The following CNOT10 variants were observed in gnomAD, a reference collection of about 807,000 sequenced individuals.
CNOT10 encodes the protein CCR4-NOT transcription complex subunit 10, also known as CCR4-NOT transcription complex, subunit 10.
Under a neutral mutation model 94.6 loss-of-function variants are expected in CNOT10, and 30 were observed. The ratio of observed to expected loss-of-function variants is 0.32; its 90% confidence interval spans 0.24 to 0.43. The LOEUF (loss-of-function observed/expected upper bound fraction) is 0.43, where lower values mean the gene tolerates loss of function less well. Ranked by LOEUF, CNOT10 falls within the 20% of genes least tolerant of loss-of-function variation. The probability of loss-of-function intolerance (pLI) is 1.00; values close to 1 mark genes in which losing one functional copy is unlikely to be tolerated. For missense variants in CNOT10, 759 were observed against 877.2 expected (o/e 0.87, Z 1.70); for synonymous variants, 289 against 301.6 (o/e 0.96, Z 0.43).
At chr3:32,706,922 A>T (rs1697650226) in intron 3 of CNOT10, among the ~76,000 whole-genome samples, 1 of 152,242 alleles carries the variant, frequency 6.6e-6, no homozygotes, top group African/African-American at 2.4e-5. Flanking sequence ...AACCATGTCA[A>T]GCTTAACCAC....
At chr3:32,724,569 C>A (rs913274510) in intron 8 of CNOT10, among the ~76,000 whole-genome samples, 1 of 152,086 alleles carries the variant, frequency 6.6e-6, no homozygotes, top group Non-Finnish European at 1.5e-5. Flanking sequence ...CCCGCCACCA[C>A]GCCCGGCTAA....
chr3:32,753,917 C>G, intron 13 of CNOT10: 2 of 1,146,690 alleles, frequency 1.7e-6, no homozygotes, highest in Admixed American at 1.9e-5. Flanking sequence ...TTAATTTGCT[C>G]TCACACACAC....
chr3:32,767,729 T>C (rs1168799060), intron 17 of CNOT10, among the ~76,000 whole-genome samples: 2 of 152,212 alleles, frequency 1.3e-5, no homozygotes, highest in African/African-American at 2.4e-5. Context: ...TTTGATATTA[T>C]CTAGGCATTG....
chr3:32,762,840 T>A lies in CNOT10; in HGVS notation c.1817T>A (p.Ile606Asn), dbSNP rs368257885. ...PENVTDVSLG[I>N]SSNEQDQGSD... ...AATGTCACTGATGTCTCCTTAGGGA[T>A]CTCTTCAAATGAGCAGGACCAAGGT... The change falls in exon 15 of 19, where the codon ATC becomes AAC. Residue 606 changes from isoleucine (I) to asparagine (N), a missense_variant. Ile to Asn is a moderately radical substitution (Grantham distance 149). Around this residue, in one of 3 missense-constraint regions of CNOT10, gnomAD observed 682 missense variants for 799.4 expected, o/e 0.85. Transcript: ENST00000328834. 13 of 1,567,120 alleles carry A rather than the reference T, an allele frequency of 8.3e-6. No homozygotes were observed. In the African/African-American group the frequency reaches 1.1e-4, roughly 13 times the overall value.
chr3:32,764,761 T>G lies in CNOT10; in HGVS notation c.1956T>G (p.Ala652=), dbSNP rs571160033. The G allele has an allele frequency of 5.4e-4, 871 of 1,614,176 alleles. 9 individuals are homozygous for G. In the South Asian group the frequency reaches 8.9e-3, roughly 17 times the overall value. Reference sequence around the variant, plus strand: ...TGATGCTGTTCAACCTTGGCAGCGCTTACTGCCTGAGGAGCGAATATGACA... The same window carrying G: ...TGATGCTGTTCAACCTTGGCAGCGCGTACTGCCTGAGGAGCGAATATGACA... The part of the protein sequence containing the change: ...RTVMLFNLGS[A]YCLRSEYDKA... The change falls in exon 17 of 19, where the codon GCT becomes GCG. Residue 652 remains alanine (A), a synonymous_variant. Transcript: ENST00000328834.
rs376717107 is a variant in CNOT10 at position 32,729,877 on chromosome 3, TC to T, written c.1215+2009del. Among the ~76,000 whole-genome samples, 833 of 142,808 alleles carry T rather than the reference TC, an allele frequency of 5.8e-3. 11 individuals are homozygous for T. Among genetic ancestry groups the T allele is most frequent in the African/African-American group, 0.019 (733 of 38,980 alleles). 93.7% of individuals were successfully genotyped at this position (142,808 alleles called of 152,430 possible). A position where few individuals can be genotyped will look rare whatever the true frequency, so the allele number is the denominator to read the frequency against. On this transcript the variant is annotated intron_variant, in intron 10 of 18. Coordinates refer to ENST00000328834, the MANE Select transcript of CNOT10 (RefSeq NM_015442.3). ...TCCGCCTCCCGGGTTCACGCCATTCTCCTGCCTCAGCCTCCCAAGTAGCTGG... is the reference window on the plus strand; with the variant it reads ...TCCGCCTCCCGGGTTCACGCCATTCTCTGCCTCAGCCTCCCAAGTAGCTGG...
intron 13 of CNOT10, among the ~76,000 whole-genome samples, chr3:32,755,640 G>A (rs554582648): frequency 4.8e-4 from 73 of 151,494 alleles, no homozygotes; most frequent in Admixed American, 2.4e-3. Context: ...TCAGATATTT[G>A]GTTTAGATTT....
At position 32,734,955 on chromosome 3, in the gene CNOT10, G is replaced by T; in HGVS notation, c.1493G>T (p.Ser498Ile). 6.2e-7 allele frequency: 1 copy of T among 1,613,690 alleles called. No individual in the cohort carries two copies. Among genetic ancestry groups the T allele is most frequent in the South Asian group, 1.1e-5 (1 of 91,034 alleles). Residue 498 changes from serine (S) to isoleucine (I), a missense_variant, in exon 12 of 19, where the codon AGC (serine) becomes ATC (isoleucine). By Grantham distance (142) the Ser-to-Ile change is moderately radical. Coordinates refer to ENST00000328834, the MANE Select transcript of CNOT10 (RefSeq NM_015442.3). ...SNQLGGNTES[S>I]ESSETCSSKS... ...CAATTAGGTGGGAACACAGAGAGCA[G>T]CGAAAGCAGTGAAACTTGCAGGTAT...
intron 1 of CNOT10, among the ~76,000 whole-genome samples, chr3:32,689,656 C>G (rs1696770967): frequency 6.6e-6 from 1 of 152,132 alleles, no homozygotes; most frequent in South Asian, 2.1e-4. Flanking sequence ...AGAACAATAT[C>G]TGACAAGAGA....
rs765555386 is a variant in CNOT10 at position 32,762,952 on chromosome 3, G to A, written c.1840+89G>A. 148 of 1,379,816 alleles carry A rather than the reference G, an allele frequency of 1.1e-4. 1 individual carries two copies. The highest frequency in any genetic ancestry group is 1.2e-4 in the Non-Finnish European group (129 of 1,050,506). 85.5% of individuals were successfully genotyped at this position (1,379,816 alleles called of 1,614,324 possible). A position where few individuals can be genotyped will look rare whatever the true frequency, so the allele number is the denominator to read the frequency against. ...GGATGTGTGGAAATTTAGGCATGGT[G>A]GTAATGAGAAGAAAGTTTTAGGTTG... On this transcript the variant is annotated intron_variant, in intron 15 of 18. Coordinates refer to ENST00000328834, the MANE Select transcript of CNOT10 (RefSeq NM_015442.3).
chr3:32,746,023 A>T (rs1404496562), intron 13 of CNOT10, among the ~76,000 whole-genome samples: 1 of 152,236 alleles, frequency 6.6e-6, no homozygotes, highest in Non-Finnish European at 1.5e-5. Context: ...GCACAAGTTA[A>T]CATGGATGAA....
Position 32,767,028 on chromosome 3 carries a change from G to A in CNOT10, c.2004+2219G>A, listed in dbSNP as rs151047132. On this transcript the variant is annotated intron_variant, in intron 17 of 18. Transcript: ENST00000328834. ...GCAGACATACTACAATCTTGCCCTT[G>A]CTTGTAGACCTTTGCAGTTAGGAGA... 1.1e-4 allele frequency among the ~76,000 whole-genome samples: 16 copies of A among 152,286 alleles called. No homozygotes were observed. The East Asian group carries it at 3.1e-3, about 29-fold the overall frequency.
At chr3:32,741,768 CA>C (rs529423159) in intron 13 of CNOT10, among the ~76,000 whole-genome samples, 128 of 86,538 alleles carry the variant, frequency 1.5e-3, no homozygotes, top group African/African-American at 2.0e-3. Context: ...GACTCCGTCT[CA>C]AAAAAAAAAA....
intron 13 of CNOT10, among the ~76,000 whole-genome samples, chr3:32,740,617 C>G (rs979163552): frequency 1.9e-4 from 29 of 152,030 alleles, no homozygotes; most frequent in African/African-American, 5.1e-4. Context: ...AATCCCAGCA[C>G]TTTGGGAGGC....
At chr3:32,704,646 A>G (rs1697527822) in intron 2 of CNOT10, among the ~76,000 whole-genome samples, 165 bp from the exon 3 acceptor site, 1 of 152,166 alleles carries the variant, frequency 6.6e-6, no homozygotes, top group Non-Finnish European at 1.5e-5. Context: ...AGTTTAACTG[A>G]CATGAATGTT....
chr3:32,755,902 T>C (rs139593686), intron 13 of CNOT10, among the ~76,000 whole-genome samples: 4 of 152,218 alleles, frequency 2.6e-5, no homozygotes, highest in African/African-American at 9.6e-5. Flanking sequence ...TCTCTTCCCT[T>C]GAGGTATAGT....
chr3:32,751,781 C>T (rs527894461), intron 13 of CNOT10, among the ~76,000 whole-genome samples: 2 of 152,276 alleles, frequency 1.3e-5, no homozygotes, highest in East Asian at 3.9e-4. Context: ...TCTTATATTG[C>T]TTTTGCTAGA....
chr3:32,711,252 A>G (rs1697877415), intron 4 of CNOT10, among the ~76,000 whole-genome samples: 1 of 152,196 alleles, frequency 6.6e-6, no homozygotes, highest in Non-Finnish European at 1.5e-5. Context: ...AAATCTGCTG[A>G]TACTTAAATC....
In CNOT10 at chr3:32,725,550, A is replaced by G. The variant is rs1698627701; in HGVS notation, c.963A>G (p.Gln321=). Residue 321 remains glutamine (Q), a synonymous_variant, in exon 9 of 19, where the codon CAA becomes CAG. Transcript: ENST00000328834. ...TATTCTACTTTAAAAAGGCTCTGCA[A>G]GAGAATGACAATGTCTGTGCACAGC... The part of the protein sequence containing the change: ...LGIFYFKKAL[Q]ENDNVCAQLS... 2 of 1,614,198 alleles carry G rather than the reference A, an allele frequency of 1.2e-6. No individual in the cohort carries two copies. Among genetic ancestry groups the G allele is most frequent in the Non-Finnish European group, 1.7e-6 (2 of 1,179,992 alleles).
Sources: allele counts gnomAD v4.1 joint callset (sites outside exome capture counted in the v4.1 genomes callset), GRCh38; gene constraint gnomAD v4.1.1; regional missense constraint gnomAD v4.1.1; transcripts MANE v1.5; gene names NCBI Gene and HGNC (gene_info 2026-07-23, HGNC 2026-07-21).